The following ARID1B variants were observed in gnomAD, a reference collection of about 807,000 sequenced individuals.
ARID1B encodes the protein AT-rich interaction domain 1B.
A neutral mutation model predicts 212.3 loss-of-function variants in ARID1B; 30 were observed. The ratio of observed to expected loss-of-function variants is 0.14; its 90% CI spans 0.11 to 0.19. ARID1B has a LOEUF of 0.19. Among genes scored for constraint, ARID1B ranks in the 10% least tolerant of loss-of-function variants. ARID1B has a pLI of 1.00. For synonymous variants in ARID1B, 1,402 were observed against 1,301.7 expected (o/e 1.08, Z -1.66); for missense variants, 2,891 against 3,204.0 (o/e 0.90, Z 2.36).
At chr6:157,151,214 C>G (rs999144266) in intron 8 of ARID1B, 1 of 152,122 alleles carries the variant, frequency 6.6e-6, no homozygotes, top group Non-Finnish European at 1.5e-5. Context: ...CCATTGTTGT[C>G]ATTGTTTTGT....
At chr6:157,146,368 T>C (rs1404819183) in intron 7 of ARID1B, among the ~76,000 whole-genome samples, 1 of 152,128 alleles carries the variant, frequency 6.6e-6, no homozygotes, top group Non-Finnish European at 1.5e-5. Flanking sequence ...TCCCCTAAGG[T>C]CCTACAGGCA....
Position 157,201,331 on chromosome 6 carries a change from G to T in ARID1B, c.5106G>T (p.Lys1702Asn). Residue 1702 changes from lysine to asparagine, a missense_variant, in exon 18 of 20, where the codon AAG becomes AAT. Coordinates refer to ENST00000636930, the MANE Select transcript of ARID1B (RefSeq NM_001374828.1). The surrounding 1 kb of genome is among the most constrained non-coding windows in gnomAD (Gnocchi z 5.2). ...AGTCTCCTTTTCTGCCGTCTATGAA[G>T]ATGCAGAAGGTCATGCCCACGGTCC... The part of the protein sequence containing the change: ...PSKSPFLPSM[K>N]MQKVMPTVPT... 1 of 1,613,942 alleles carries T rather than the reference G, an allele frequency of 6.2e-7. No individual in the cohort carries two copies. The highest frequency in any genetic ancestry group is 8.5e-7 in the Non-Finnish European group (1 of 1,179,944).
At chr6:156,966,765 A>G (rs9480418) in intron 4 of ARID1B, among the ~76,000 whole-genome samples, 29,535 of 152,038 alleles carry the variant, frequency 0.19, 3,149 homozygotes, top group East Asian at 0.4. Context: ...CAGTGGCGCG[A>G]TCTCGGCTCA....
In ARID1B at chr6:157,206,717, A is replaced by G. The variant is rs776790365; in HGVS notation, c.5945A>G (p.Gln1982Arg). ...PLSSAGRKKE[Q>R]EGKGDSEEQQ... is the part of the protein sequence containing the mutation. ...AGCTCCGCAGGTAGAAAGAAAGAGC[A>G]AGAAGGCAAAGGCGACTCTGAAGAG... Residue 1982 changes from glutamine to arginine, a missense_variant, in exon 20 of 20, where the codon CAA becomes CGA. By Grantham distance (43) the Gln-to-Arg change is conservative. Transcript: ENST00000636930. This position sits in a 1 kb window ranked among gnomAD's most constrained non-coding sequence, Gnocchi z 6.8. The G allele has an allele frequency of 6.2e-7, 1 of 1,612,926 alleles. No homozygotes were observed. The highest frequency in any genetic ancestry group is 2.2e-5 in the East Asian group (1 of 44,886).
rs574143933 is a variant in ARID1B at position 157,029,037 on chromosome 6, G to A, written c.2248-55625G>A. Among the ~76,000 whole-genome samples the A allele has an allele frequency of 2.6e-5, 4 of 152,264 alleles. No homozygotes were observed. The South Asian group carries it at 8.3e-4, about 32-fold the overall frequency. ...AAGTCATTACCTCTTAACTCAGGAT[G>A]GATAGAAAAGATCTATCTTTGAGCA... On this transcript the variant is annotated intron_variant, in intron 4 of 19. Transcript: ENST00000636930.
At chr6:156,994,151 G>A (rs372130271) in intron 4 of ARID1B, among the ~76,000 whole-genome samples, 249 of 152,250 alleles carry the variant, frequency 1.6e-3, no homozygotes, top group African/African-American at 5.8e-3. Flanking sequence ...TGCAGTGAGG[G>A]TAGAAATAGT....
intron 6 of ARID1B, among the ~76,000 whole-genome samples, chr6:157,112,557 C>T (rs182708251): frequency 1.3e-5 from 2 of 152,276 alleles, no homozygotes; most frequent in Admixed American, 1.3e-4. Context: ...TAAAAGTTCC[C>T]TTATTTGAAA....
chr6:156,994,147 G>A (rs746479057), intron 4 of ARID1B, among the ~76,000 whole-genome samples: 1 of 152,166 alleles, frequency 6.6e-6, no homozygotes. Context: ...TTGATGCAGT[G>A]AGGGTAGAAA....
chr6:156,898,080 G>A (rs287949), intron 2 of ARID1B, among the ~76,000 whole-genome samples: 147,871 of 152,116 alleles, frequency 0.97, 71,919 homozygotes, highest in East Asian at 1. Flanking sequence ...AGGCACGAGA[G>A]TGACCATGGT....
At chr6:156,973,732 C>T (rs1777074182) in intron 4 of ARID1B, among the ~76,000 whole-genome samples, 1 of 152,138 alleles carries the variant, frequency 6.6e-6, no homozygotes, top group Non-Finnish European at 1.5e-5. Context: ...ACAGGCAACG[C>T]CCCCACTGTG....
rs150112467 is a variant in ARID1B, at chr6:156,824,789, A to G, written c.1792-4438A>G. Reference sequence around the variant, plus strand: ...CAGAAAACAAAACAAAACAAAAAACATAAAATTGCTTCAGGTTAGATGTGC... The same window carrying G: ...CAGAAAACAAAACAAAACAAAAAACGTAAAATTGCTTCAGGTTAGATGTGC... On this transcript the variant is annotated intron_variant, in intron 1 of 19. Coordinates refer to ENST00000636930, the MANE Select transcript of ARID1B (RefSeq NM_001374828.1). 3.3e-3 allele frequency among the ~76,000 whole-genome samples: 499 copies of G among 152,254 alleles called. 6 individuals carry two copies. The highest frequency in any genetic ancestry group is 0.011 in the African/African-American group (471 of 41,564).
chr6:156,851,952 G>A (rs548714472), intron 2 of ARID1B, among the ~76,000 whole-genome samples: 2 of 152,236 alleles, frequency 1.3e-5, no homozygotes, highest in African/African-American at 2.4e-5. Context: ...TTATCTCAGC[G>A]CAAGGCTGGT....
chr6:157,169,906 CCTT>C (rs776589059), intron 9 of ARID1B: 5 of 152,180 alleles, frequency 3.3e-5, no homozygotes, highest in Admixed American at 6.5e-5. Flanking sequence ...AGAAGTGAGT[CCTT>C]CTGCTAACCT....
At chr6:156,997,504 A>G (rs1233891651) in intron 4 of ARID1B, among the ~76,000 whole-genome samples, 2 of 152,158 alleles carry the variant, frequency 1.3e-5, no homozygotes, top group Non-Finnish European at 2.9e-5. Context: ...GTTTTCTCTT[A>G]TTATCTTATT....
chr6:156,905,202 CAATAG>C (rs1201774417), intron 3 of ARID1B, among the ~76,000 whole-genome samples: 2 of 147,542 alleles, frequency 1.4e-5, no homozygotes, highest in Non-Finnish European at 3.0e-5. Flanking sequence ...GGACTGGAAT[CAATAG>C]AATAGAATAA....
intron 4 of ARID1B, among the ~76,000 whole-genome samples, chr6:157,074,476 C>T (rs949645764): frequency 6.6e-6 from 1 of 152,108 alleles, no homozygotes; most frequent in Non-Finnish European, 1.5e-5. Context: ...CCGCCCACCT[C>T]GGCCTCCCAA....
At position 157,046,159 on chromosome 6, in the gene ARID1B, TTTTC is replaced by T. The variant is rs537849369; in HGVS notation, c.2248-38499_2248-38496del. 1.5e-3 allele frequency among the ~76,000 whole-genome samples: 225 copies of T among 152,296 alleles called. 3 individuals are homozygous for T. Among genetic ancestry groups the T allele is most frequent in the African/African-American group, 4.9e-3 (205 of 41,544 alleles). On this transcript the variant is annotated intron_variant, in intron 4 of 19. Transcript: ENST00000636930. ...ATTTACCTGTAATATTTTGATACAGTTTTCTTTGTTAGGTTTAATTATCTTTTGA... is the reference window on the plus strand; with the variant it reads ...ATTTACCTGTAATATTTTGATACAGTTTTGTTAGGTTTAATTATCTTTTGA...
intron 2 of ARID1B, among the ~76,000 whole-genome samples, chr6:156,901,032 T>G (rs1170618522): frequency 6.6e-6 from 1 of 152,186 alleles, no homozygotes; most frequent in African/African-American, 2.4e-5. Flanking sequence ...TTCACTGTTG[T>G]GTGGGAATGG....
chr6:156,929,570 C>T (rs1791528939), intron 3 of ARID1B, among the ~76,000 whole-genome samples: 1 of 152,340 alleles, frequency 6.6e-6, no homozygotes, highest in East Asian at 1.9e-4. Context: ...ATTGAGACTA[C>T]TCAAATCGTC....
Sources: gnomAD v4.1 joint callset for allele counts (sites outside exome capture counted in the v4.1 genomes callset) on GRCh38, gnomAD v4.1.1 for gene constraint, Gnocchi (gnomAD v3.1) non-coding constraint, MANE v1.5 for transcripts, NCBI Gene and HGNC (gene_info 2026-07-23, HGNC 2026-07-21) for gene names.